PLAC1: variants seen among roughly 807,000 people sequenced by gnomAD.
PLAC1 encodes the protein placenta associated 1.
For synonymous variants in PLAC1, 68 were observed against 62.1 expected (o/e 1.09, Z -0.44); for missense variants, 136 against 163.2 (o/e 0.83, Z 0.91).
At chrX:134,733,052 T>C (rs1395746126) in intron 2 of PLAC1, among the ~76,000 whole-genome samples, 1 of 111,599 alleles carries the variant, frequency 9.0e-6, no homozygotes, top group Non-Finnish European at 1.9e-5. Context: ...TCTCCTGCCA[T>C]GGTACACACA....
chrX:134,578,985 T>C (rs2077959271), intron 2 of PLAC1, among the ~76,000 whole-genome samples: 1 of 111,518 alleles, frequency 9.0e-6, no homozygotes, highest in Non-Finnish European at 1.9e-5. Flanking sequence ...GTAGTAGTGA[T>C]GACTTTAAAA....
At chrX:134,692,652 G>GTTGCT (rs1569405965) in intron 2 of PLAC1, among the ~76,000 whole-genome samples, 1 of 112,105 alleles carries the variant, frequency 8.9e-6, no homozygotes, top group East Asian at 2.8e-4. Context: ...TAAGGGACAC[G>GTTGCT]TTGCTTTTGG....
chrX:134,719,833 A>C (rs771083360), intron 2 of PLAC1, among the ~76,000 whole-genome samples: 14 of 111,471 alleles, frequency 1.3e-4, no homozygotes, highest in Non-Finnish European at 2.6e-4. Flanking sequence ...AATAAACAAG[A>C]ACTAGAAAGT....
At chrX:134,705,813 A>C (rs917516204) in intron 2 of PLAC1, among the ~76,000 whole-genome samples, 1 of 112,190 alleles carries the variant, frequency 8.9e-6, no homozygotes, top group Non-Finnish European at 1.9e-5. Flanking sequence ...GTCATAAAAG[A>C]TGATCTTATA....
At chrX:134,592,926 A>G (rs2078046321) in intron 2 of PLAC1, among the ~76,000 whole-genome samples, 1 of 108,735 alleles carries the variant, frequency 9.2e-6, no homozygotes, top group South Asian at 4.1e-4. Flanking sequence ...CGGGGGTTTC[A>G]CTGTGTTAGC....
intron 2 of PLAC1, among the ~76,000 whole-genome samples, chrX:134,571,011 G>A (rs2077905428): frequency 8.9e-6 from 1 of 112,036 alleles, no homozygotes; most frequent in African/African-American, 3.2e-5. Context: ...ATGTTTAAGA[G>A]CTATCTATAT....
chrX:134,623,617 A>T (rs1347318322), intron 1 of PLAC1, among the ~76,000 whole-genome samples: 1 of 111,865 alleles, frequency 8.9e-6, no homozygotes, highest in African/African-American at 3.3e-5. Flanking sequence ...TAGCTCAGGG[A>T]TCTCTGCTCC....
intron 1 of PLAC1, among the ~76,000 whole-genome samples, chrX:134,653,144 G>A (rs1011656946): frequency 8.0e-5 from 9 of 112,309 alleles, no homozygotes; most frequent in Non-Finnish European, 1.3e-4. Flanking sequence ...AAGAGTCCTG[G>A]CCCAGGCCCC....
chrX:134,680,604 T>A (rs12382607), intron 2 of PLAC1, among the ~76,000 whole-genome samples: 1,318 of 102,562 alleles, frequency 0.013, 14 homozygotes, highest in African/African-American at 0.015. Flanking sequence ...TAAACTAAAC[T>A]AAACACCTTC....
intron 2 of PLAC1, among the ~76,000 whole-genome samples, chrX:134,578,125 AC>A (rs774596129): frequency 2.7e-5 from 3 of 110,887 alleles, no homozygotes; most frequent in Non-Finnish European, 3.8e-5. Context: ...CATTAAGAAA[AC>A]AAACCAGCTG....
In PLAC1 at chrX:134,566,489, T is replaced by C. The variant is rs1383293902; in HGVS notation, c.194A>G (p.His65Arg). The C allele has an allele frequency of 2.5e-6, 3 of 1,210,275 alleles. No individual in the cohort carries two copies. Among genetic ancestry groups the C allele is most frequent in the Non-Finnish European group, 3.4e-6 (3 of 895,178 alleles). The stretch of plus-strand genomic sequence containing the variant: ...GAACTGGTAGGCGTGTGGCTGAACA[T>C]GGTTTGGGGGGCAACCCAGGCCCAA... ...LHLGLGCPPN[H>R]VQPHAYQFTY... The change falls in exon 3 of 3, where the codon CAT becomes CGT. Residue 65 changes from histidine (H) to arginine (R), a missense_variant. Coordinates refer to ENST00000359237, the MANE Select transcript of PLAC1 (RefSeq NM_021796.4).
At chrX:134,659,494 A>G (rs922228856), upstream of PLAC1, among the ~76,000 whole-genome samples, 2 of 111,129 alleles carry the variant, frequency 1.8e-5, no homozygotes, top group Admixed American at 9.6e-5. Flanking sequence ...CTGAGCTCCT[A>G]TGGAAAGTCA....
At chrX:134,643,851 GC>G (rs2078318278) in intron 1 of PLAC1, among the ~76,000 whole-genome samples, 1 of 109,975 alleles carries the variant, frequency 9.1e-6, no homozygotes, top group Non-Finnish European at 1.9e-5. Context: ...AAGCAGTGGA[GC>G]TTTGAACACT....
chrX:134,649,908 G>T (rs942643700), intron 1 of PLAC1, among the ~76,000 whole-genome samples: 1 of 111,477 alleles, frequency 9.0e-6, no homozygotes, highest in African/African-American at 3.3e-5. Context: ...CTCCCGCCCC[G>T]GGGGGAATCA....
At chrX:134,718,003 G>A (rs1219829682) in intron 2 of PLAC1, among the ~76,000 whole-genome samples, 1 of 112,154 alleles carries the variant, frequency 8.9e-6, no homozygotes, top group East Asian at 2.8e-4. Flanking sequence ...GTACCTGATG[G>A]CCAAGAAGAC....
chrX:134,625,868 T>C (rs1405627561), intron 1 of PLAC1, among the ~76,000 whole-genome samples: 1 of 110,576 alleles, frequency 9.0e-6, no homozygotes, highest in Non-Finnish European at 1.9e-5. Flanking sequence ...TCGGAGGCTG[T>C]AGGGTTTAAG....
At chrX:134,716,735 G>A (rs760809583) in intron 2 of PLAC1, among the ~76,000 whole-genome samples, 3 of 112,211 alleles carry the variant, frequency 2.7e-5, no homozygotes, top group East Asian at 5.6e-4. Context: ...AATTTGTGCC[G>A]ATTAAATACT....
intron 2 of PLAC1, among the ~76,000 whole-genome samples, chrX:134,717,145 T>C (rs1217858578): frequency 8.9e-6 from 1 of 111,822 alleles, no homozygotes; most frequent in Non-Finnish European, 1.9e-5. Flanking sequence ...ATGGTAGAAA[T>C]AGGAAGGCAT....
rs373272394 is a variant in PLAC1, at chrX:134,679,955, C to A, written n.174+53480G>T. 3.5e-4 allele frequency among the ~76,000 whole-genome samples: 39 copies of A among 111,412 alleles called. No individual in the cohort carries two copies. The East Asian group carries it at 0.01, about 29-fold the overall frequency. On this transcript the variant is annotated intron_variant and non_coding_transcript_variant, in intron 2 of 2. Transcript: ENST00000466797. ...TTAGAGTTTATGTCTCTGTTCTTTC[C>A]GCCATGGAGTGGTATATTCCCACTT...
Sources: gnomAD v4.1 joint callset for allele counts (sites outside exome capture counted in the v4.1 genomes callset) on GRCh38, gnomAD v4.1.1 for gene constraint, MANE v1.5 for transcripts, NCBI Gene and HGNC (gene_info 2026-07-23, HGNC 2026-07-21) for gene names.